Variants in GPC5 observed in about 807,000 individuals in gnomAD.
The protein encoded by GPC5 is glypican 5, also known as glypican-5.
A neutral mutation model predicts 53.9 loss-of-function variants in GPC5; 47 were observed. The ratio of observed to expected loss-of-function variants is 0.87; its 90% CI spans 0.69 to 1.11. The LOEUF is 1.11. Among genes scored for constraint, GPC5 ranks in the 50% most tolerant of loss-of-function variants. The pLI is 0.00. For missense variants in GPC5, 748 were observed against 713.1 expected, an observed-to-expected ratio of 1.05 and a Z score of -0.56; for synonymous variants, 286 against 263.3, an observed-to-expected ratio of 1.09 and a Z score of -0.84.
At chr13:92,685,603 G>C (rs1455150214) in intron 7 of GPC5, among the ~76,000 whole-genome samples, 1 of 94,848 alleles carries the variant, frequency 1.1e-5, no homozygotes, top group Non-Finnish European at 2.0e-5. Context: ...GGGTACATGT[G>C]CACATTGTGC....
At chr13:92,795,063 G>T (rs1208103131) in intron 7 of GPC5, among the ~76,000 whole-genome samples, 1 of 152,056 alleles carries the variant, frequency 6.6e-6, no homozygotes, top group African/African-American at 2.4e-5. Context: ...CCAAAAAAGA[G>T]CCCGCATAGC....
At chr13:92,159,986 T>A (rs1187753405) in intron 7 of GPC5, among the ~76,000 whole-genome samples, 2 of 152,024 alleles carry the variant, frequency 1.3e-5, no homozygotes, top group African/African-American at 4.8e-5. Flanking sequence ...CACTGCAACC[T>A]CTGCCTCCTG....
At position 91,985,921 on chromosome 13, in the gene GPC5, T is replaced by C. The variant is rs1294227784; in HGVS notation, c.1401+77864T>C. On this transcript the variant is annotated intron_variant, in intron 6 of 7. Transcript: ENST00000377067. Reference sequence around the variant, plus strand: ...AAAAGATGAAAACCAAAATACTCAATGCCACTTTTCAGTGCAGTCATAGGC... The same window carrying C: ...AAAAGATGAAAACCAAAATACTCAACGCCACTTTTCAGTGCAGTCATAGGC... Among the ~76,000 whole-genome samples the C allele has an allele frequency of 2.6e-5, 4 of 152,072 alleles. No homozygotes were observed. In the Middle Eastern group the frequency reaches 0.01, roughly 388 times the overall value.
intron 7 of GPC5, among the ~76,000 whole-genome samples, chr13:92,769,151 T>C (rs1875519342): frequency 1.3e-5 from 2 of 152,186 alleles, no homozygotes; most frequent in Non-Finnish European, 2.9e-5. Flanking sequence ...CCACCCACTA[T>C]GTGAATATTG....
At chr13:91,991,045 T>C (rs2138734503) in intron 6 of GPC5, among the ~76,000 whole-genome samples, 1 of 152,306 alleles carries the variant, frequency 6.6e-6, no homozygotes, top group East Asian at 1.9e-4. Flanking sequence ...TTCACACACC[T>C]AAGTTGTGTG....
Position 92,144,857 on chromosome 13 carries a change from G to T in GPC5, c.1429G>T (p.Asp477Tyr). ...GTTACAGGGTAGATCACCCAAACCT[G>T]ACAAGTGGGAACTTCTTCAGCTGGG... is the stretch of plus-strand genomic sequence containing the variant. ...QLLQGRSPKP[D>Y]KWELLQLGSG... Residue 477 changes from aspartate (D) to tyrosine (Y), a missense_variant, in exon 7 of 8, where the codon GAC becomes TAC. Physicochemically the swap from Asp to Tyr is radical, Grantham distance 160. Coordinates refer to ENST00000377067, the MANE Select transcript of GPC5 (RefSeq NM_004466.6). 1 of 1,611,794 alleles carries T rather than the reference G, an allele frequency of 6.2e-7. No individual in the cohort carries two copies. Among genetic ancestry groups the T allele is most frequent in the East Asian group, 2.2e-5 (1 of 44,580 alleles).
chr13:92,293,635 A>G (rs1027144113), intron 7 of GPC5, among the ~76,000 whole-genome samples: 16 of 152,066 alleles, frequency 1.1e-4, no homozygotes, highest in African/African-American at 3.6e-4. Context: ...TCATATTGTC[A>G]GCAAACAGCG....
At chr13:92,413,482 A>T (rs7334105) in intron 7 of GPC5, among the ~76,000 whole-genome samples, 55,944 of 152,088 alleles carry the variant, frequency 0.37, 10,550 homozygotes, top group Non-Finnish European at 0.39. Flanking sequence ...ATAAAAATCA[A>T]AACTCCATCT....
At chr13:91,870,535 T>TAA (rs2039132951) in intron 5 of GPC5, among the ~76,000 whole-genome samples, 1 of 152,278 alleles carries the variant, frequency 6.6e-6, no homozygotes, top group South Asian at 2.1e-4. Context: ...CCATGACACT[T>TAA]ACAGTGCAGT....
chr13:91,982,001 G>A (rs2040364144), intron 6 of GPC5, among the ~76,000 whole-genome samples: 1 of 152,192 alleles, frequency 6.6e-6, no homozygotes, highest in African/African-American at 2.4e-5. Context: ...GGAGGCAGGA[G>A]TCTGTTTATG....
intron 7 of GPC5, among the ~76,000 whole-genome samples, chr13:92,225,370 CT>C (rs1566492926): frequency 6.6e-6 from 1 of 151,974 alleles, no homozygotes; most frequent in Non-Finnish European, 1.5e-5. Flanking sequence ...TGGCTTATGC[CT>C]TTGAGTTCAG....
chr13:92,410,106 G>A (rs552476851), intron 7 of GPC5, among the ~76,000 whole-genome samples: 4 of 152,138 alleles, frequency 2.6e-5, no homozygotes, highest in Non-Finnish European at 5.9e-5. Context: ...AATAACTGAT[G>A]TTTTTACAGA....
chr13:92,641,378 C>G (rs1386400047), intron 7 of GPC5, among the ~76,000 whole-genome samples: 1 of 151,980 alleles, frequency 6.6e-6, no homozygotes, highest in East Asian at 1.9e-4. Context: ...AATTACTAGC[C>G]TGAATTTTTC....
intron 5 of GPC5, among the ~76,000 whole-genome samples, chr13:91,765,054 T>C (rs2037495779): frequency 6.6e-6 from 1 of 152,186 alleles, no homozygotes; most frequent in Non-Finnish European, 1.5e-5. Flanking sequence ...ATAGAAACCT[T>C]CCCTCTCTTT....
At chr13:92,616,454 A>C (rs142753598) in intron 7 of GPC5, among the ~76,000 whole-genome samples, 387 of 152,348 alleles carry the variant, frequency 2.5e-3, no homozygotes, top group African/African-American at 8.4e-3. Flanking sequence ...TATGGAGGAC[A>C]TAACTGGTAA....
chr13:91,918,443 G>A (rs577169586), intron 6 of GPC5, among the ~76,000 whole-genome samples: 1 of 152,082 alleles, frequency 6.6e-6, no homozygotes, highest in Non-Finnish European at 1.5e-5. Context: ...ACTAATAATG[G>A]TTTATGTCAA....
intron 2 of GPC5, among the ~76,000 whole-genome samples, chr13:91,645,865 T>C (rs970659040): frequency 2.0e-5 from 3 of 152,210 alleles, no homozygotes; most frequent in Non-Finnish European, 4.4e-5. Context: ...TTTGCACTTC[T>C]GACAAGTCCT....
At position 92,027,859 on chromosome 13, in the gene GPC5, A is replaced by G. The variant is rs574805152; in HGVS notation, c.1402-116971A>G. Among the ~76,000 whole-genome samples, 41 of 152,282 alleles carry G rather than the reference A, an allele frequency of 2.7e-4. 1 individual carries two copies. The Middle Eastern group carries it at 0.01, about 38-fold the overall frequency. Reference sequence around the variant, plus strand: ...CACAACAGTCACTTGCTCAGTGACAAGACTACCTTCCTTCCCCACCAAATA... The same window carrying G: ...CACAACAGTCACTTGCTCAGTGACAGGACTACCTTCCTTCCCCACCAAATA... On this transcript the variant is annotated intron_variant, in intron 6 of 7. Transcript: ENST00000377067.
chr13:92,785,599 C>A (rs1161028525), intron 7 of GPC5, among the ~76,000 whole-genome samples: 2 of 152,180 alleles, frequency 1.3e-5, no homozygotes, highest in African/African-American at 4.8e-5. Context: ...ACCTAGGAAT[C>A]CATCATATAG....
Sources: gnomAD v4.1 joint callset for allele counts (sites outside exome capture counted in the v4.1 genomes callset) on GRCh38, gnomAD v4.1.1 for gene constraint, MANE v1.5 for transcripts, NCBI Gene and HGNC (gene_info 2026-07-23, HGNC 2026-07-21) for gene names.